AGBL3: variants seen among roughly 807,000 people sequenced by gnomAD.
AGBL3 encodes AGBL carboxypeptidase 3.
A neutral mutation model predicts 94.5 loss-of-function variants in AGBL3; 68 were observed. The ratio of observed to expected loss-of-function variants is 0.72; its 90% CI spans 0.59 to 0.88. The LOEUF is 0.88. Among genes scored for constraint, AGBL3 ranks in the 40% least tolerant of loss-of-function variants. The probability of loss-of-function intolerance (pLI) is 0.00; values close to 1 mark genes in which losing one functional copy is unlikely to be tolerated. For missense variants in AGBL3, 934 were observed against 1,103.8 expected (o/e 0.85, Z 2.18); for synonymous variants, 354 against 370.7 (o/e 0.95, Z 0.52).
rs535921724 is a variant in AGBL3, at chr7:135,075,523, A to G, written c.1909-874A>G. Among the ~76,000 whole-genome samples, 3 of 152,306 alleles carry G rather than the reference A, an allele frequency of 2.0e-5. No homozygotes were observed. The South Asian group carries it at 6.2e-4, about 32-fold the overall frequency. ...GGGTTGTTTTCAGTTTGGGGCCATT[A>G]TGAACATAACATTAGTGTACAGGTT... On this transcript the variant is annotated intron_variant, in intron 12 of 16. Transcript: ENST00000436302.
chr7:135,071,308 GT>G (rs1819884745), intron 12 of AGBL3, among the ~76,000 whole-genome samples: 2 of 151,970 alleles, frequency 1.3e-5, no homozygotes, highest in South Asian at 4.1e-4. Context: ...CATTTTCATC[GT>G]GAAAATGGCA....
intron 16 of AGBL3, among the ~76,000 whole-genome samples, chr7:135,128,061 A>G (rs1351281249): frequency 3.9e-5 from 6 of 152,090 alleles, no homozygotes. Context: ...TGGGAGGCCA[A>G]GGTGGGTGGA....
In AGBL3 at chr7:135,088,633, CT is replaced by C. The variant is rs539580654; in HGVS notation, c.2110+6846del. 2.3e-3 allele frequency among the ~76,000 whole-genome samples: 345 copies of C among 152,248 alleles called. 1 individual carries two copies. The highest frequency in any genetic ancestry group is 7.6e-3 in the African/African-American group (316 of 41,558). On this transcript the variant is annotated intron_variant, in intron 15 of 16. Transcript: ENST00000436302. ...CAGACTTTATTTATCTGAAGGATAG[CT>C]TTGCTGGGTCTCATATTCTTGACTG...
At chr7:135,017,485 T>C (rs1813935167) in intron 5 of AGBL3, among the ~76,000 whole-genome samples, 1 of 152,224 alleles carries the variant, frequency 6.6e-6, no homozygotes, top group South Asian at 2.1e-4. Flanking sequence ...TCCCTCTCCA[T>C]GTATGGCTCA....
At chr7:134,993,350 A>T in intron 3 of AGBL3, 143 bp from the exon 4 acceptor site, 1 of 654,808 alleles carries the variant, frequency 1.5e-6, no homozygotes, top group East Asian at 3.1e-5. Flanking sequence ...TACTTTTATA[A>T]ACAGTGCCAT....
At chr7:135,083,137 T>A (rs1821060006) in intron 15 of AGBL3, among the ~76,000 whole-genome samples, 1 of 152,140 alleles carries the variant, frequency 6.6e-6, no homozygotes, top group South Asian at 2.1e-4. Context: ...TCTCTTTTTC[T>A]CTATCTTAAC....
chr7:135,085,319 G>T (rs773238977), intron 15 of AGBL3, among the ~76,000 whole-genome samples: 1 of 152,034 alleles, frequency 6.6e-6, no homozygotes, highest in Non-Finnish European at 1.5e-5. Context: ...TCTGTTGATT[G>T]GTTCCTTTGC....
At chr7:135,127,294 C>T (rs992630343) in intron 16 of AGBL3, among the ~76,000 whole-genome samples, 2 of 151,692 alleles carry the variant, frequency 1.3e-5, no homozygotes, top group Admixed American at 6.6e-5. Context: ...TGGTGGCTCA[C>T]GCCTATAATC....
At chr7:135,012,916 A>C (rs1813334927) in intron 4 of AGBL3, among the ~76,000 whole-genome samples, 1 of 152,182 alleles carries the variant, frequency 6.6e-6, no homozygotes, top group Non-Finnish European at 1.5e-5. Context: ...CAGAAAGAAA[A>C]AAGAAACAAT....
rs1010693015 is a variant in AGBL3, at chr7:135,065,210, T to G, written c.1908+5975T>G. Among the ~76,000 whole-genome samples the G allele has an allele frequency of 3.3e-5, 5 of 152,372 alleles. No individual in the cohort carries two copies. The South Asian group carries it at 8.3e-4, about 25-fold the overall frequency. Reference sequence around the variant, plus strand: ...AAGACACAAATAAATGGAAAGTATTTTGTGTTCGTGAATCAGAAGAATTAA... The same window carrying G: ...AAGACACAAATAAATGGAAAGTATTGTGTGTTCGTGAATCAGAAGAATTAA... On this transcript the variant is annotated intron_variant, in intron 12 of 16. Transcript: ENST00000436302.
intron 15 of AGBL3, chr7:135,094,450 G>T (rs770804317): frequency 2.2e-6 from 1 of 456,682 alleles, no homozygotes; most frequent in South Asian, 1.5e-5. Flanking sequence ...ATTGCCAGAG[G>T]CTGAGTGCGC....
At position 135,078,691 on chromosome 7, in the gene AGBL3, T is replaced by C. The variant is rs181609024; in HGVS notation, c.1981-1512T>C. Among the ~76,000 whole-genome samples, 349 of 152,330 alleles carry C rather than the reference T, an allele frequency of 2.3e-3. 1 individual carries two copies. The highest frequency in any genetic ancestry group is 2.7e-3 in the Non-Finnish European group (186 of 68,024). On this transcript the variant is annotated intron_variant, in intron 13 of 16. Coordinates refer to ENST00000436302, the MANE Select transcript of AGBL3 (RefSeq NM_178563.4). ...CTTTTAAAATTGTATGAAATCATTA[T>C]ATTTAATGTTAGATACTTCCAAATG...
At chr7:135,088,434 G>T (rs913511553) in intron 15 of AGBL3, among the ~76,000 whole-genome samples, 1 of 151,880 alleles carries the variant, frequency 6.6e-6, no homozygotes, top group Non-Finnish European at 1.5e-5. Context: ...TACTGATAAG[G>T]TTTAATTCTT....
At chr7:135,113,574 T>C (rs1269830898) in intron 15 of AGBL3, among the ~76,000 whole-genome samples, 4 of 152,238 alleles carry the variant, frequency 2.6e-5, no homozygotes, top group Admixed American at 6.5e-5. Context: ...TTATAAATTA[T>C]AGGACATTTT....
intron 4 of AGBL3, among the ~76,000 whole-genome samples, chr7:134,997,109 C>T (rs1811105376): frequency 6.6e-6 from 1 of 152,158 alleles, no homozygotes; most frequent in Admixed American, 6.5e-5. Flanking sequence ...TGAAACTGTT[C>T]CACCTCAGAG....
chr7:135,014,197 GAAAAAAAAAAA>G (rs58580550), intron 4 of AGBL3, among the ~76,000 whole-genome samples: 3 of 65,506 alleles, frequency 4.6e-5, no homozygotes, highest in South Asian at 7.0e-4. Flanking sequence ...CTCTGTCTCT[GAAAAAAAAAAA>G]AAAAAAAAAA....
chr7:135,121,552 G>GAA lies in AGBL3; in HGVS notation c.2342+5955_2342+5956dup, dbSNP rs76824052. ...GAAATCAATAGCCAAAGGGTAATAG[G>GAA]AAAAAAAAAAAAAAACCTAAACATT... On this transcript the variant is annotated intron_variant, in intron 16 of 16. Transcript: ENST00000436302. Among the ~76,000 whole-genome samples, 90 of 123,616 alleles carry GAA rather than the reference G, an allele frequency of 7.3e-4. 1 individual carries two copies. In the East Asian group the frequency reaches 0.018, roughly 25 times the overall value. The allele number at this position is 123,616 out of a possible 152,430, so 81.1% of individuals were successfully genotyped here.
At chr7:135,005,870 A>G (rs1812321652) in intron 4 of AGBL3, among the ~76,000 whole-genome samples, 1 of 151,838 alleles carries the variant, frequency 6.6e-6, no homozygotes, top group Admixed American at 6.6e-5. Context: ...TTGCTGGAGA[A>G]ATTGGATATC....
Position 135,037,455 on chromosome 7 carries a change from C to A in AGBL3, c.1375C>A (p.Leu459Ile), listed in dbSNP as rs1227707182. ...ACGAGAGGTTATTTTATACTGTGAT[C>A]TTCATGGCCATAGTAGGAAAGAGAA... ...EKREVILYCD[L>I]HGHSRKENIF... The change falls in exon 8 of 17, where the codon CTT (leucine) becomes ATT (isoleucine). Residue 459 changes from leucine (L) to isoleucine (I), a missense_variant. This residue lies in a region of AGBL3 where 5 missense variants were observed against 22.1 expected (regional missense o/e 0.23). Transcript: ENST00000436302. 1 of 1,549,758 alleles carries A rather than the reference C, an allele frequency of 6.5e-7. No individual in the cohort carries two copies. Among genetic ancestry groups the A allele is most frequent in the East Asian group, 2.5e-5 (1 of 40,640 alleles).
Sources: allele counts gnomAD v4.1 joint callset (sites outside exome capture counted in the v4.1 genomes callset), GRCh38; gene constraint gnomAD v4.1.1; regional missense constraint gnomAD v4.1.1; transcripts MANE v1.5; gene names NCBI Gene and HGNC (gene_info 2026-07-23, HGNC 2026-07-21).